Variants in LRMDA observed in about 807,000 individuals in gnomAD.
LRMDA encodes the protein leucine-rich melanocyte differentiation-associated protein.
Under a neutral mutation model 29.8 loss-of-function variants are expected in LRMDA, and 18 were observed. The observed-to-expected ratio is 0.60, with a 90% confidence interval of 0.42 to 0.90. LRMDA has a LOEUF of 0.90. Among genes scored for constraint, LRMDA ranks in the 40% least tolerant of loss-of-function variants. The probability of loss-of-function intolerance (pLI) is 0.00; values close to 1 mark genes in which losing one functional copy is unlikely to be tolerated. For missense variants in LRMDA, 273 were observed against 273.9 expected, an observed-to-expected ratio of 1.00 and a Z score of 0.02; for synonymous variants, 125 against 109.4, an observed-to-expected ratio of 1.14 and a Z score of -0.89.
In LRMDA at chr10:76,443,386, C is replaced by T. The variant is rs559359266; in HGVS notation, c.602-113823C>T. Among the ~76,000 whole-genome samples the T allele has an allele frequency of 1.8e-4, 27 of 152,264 alleles. No homozygotes were observed. The East Asian group carries it at 3.9e-3, about 22-fold the overall frequency. ...CTGGCATCACATCTTCGAGATAATC[C>T]GAGCTAGAGTTTGGCTGTCATCTAG... On this transcript the variant is annotated intron_variant, in intron 6 of 6. Transcript: ENST00000611255.
At chr10:75,646,546 T>C (rs539039819) in intron 2 of LRMDA, among the ~76,000 whole-genome samples, 31 of 152,376 alleles carry the variant, frequency 2.0e-4, no homozygotes, top group African/African-American at 7.0e-4. Context: ...CACTGACATA[T>C]TAGTTATGCT....
chr10:75,605,630 C>G (rs1174100278), intron 2 of LRMDA, among the ~76,000 whole-genome samples: 1 of 152,172 alleles, frequency 6.6e-6, no homozygotes, highest in Admixed American at 6.5e-5. Context: ...TGCCGCTGCT[C>G]TAATGTTAAG....
At chr10:76,040,258 G>A (rs1848319151) in intron 3 of LRMDA, among the ~76,000 whole-genome samples, 3 of 152,130 alleles carry the variant, frequency 2.0e-5, no homozygotes, top group Admixed American at 2.0e-4. Flanking sequence ...GGGCTGCTGG[G>A]AGTCTGCTCT....
intron 2 of LRMDA, among the ~76,000 whole-genome samples, chr10:75,561,341 T>G (rs1354787227): frequency 6.7e-6 from 1 of 148,832 alleles, no homozygotes; most frequent in East Asian, 2.0e-4. Flanking sequence ...TGTAGTATTC[T>G]CTGATGGTAG....
intron 5 of LRMDA, among the ~76,000 whole-genome samples, chr10:76,315,532 A>G (rs1421164311): frequency 6.6e-6 from 1 of 152,154 alleles, no homozygotes; most frequent in East Asian, 1.9e-4. Context: ...GTTTGCGTGC[A>G]CTCAGGGCAG....
Position 76,485,905 on chromosome 10 carries a change from T to C in LRMDA, c.602-71304T>C, listed in dbSNP as rs926853993. On this transcript the variant is annotated intron_variant, in intron 6 of 6. Coordinates refer to ENST00000611255, the MANE Select transcript of LRMDA (RefSeq NM_001305581.2). The stretch of plus-strand genomic sequence containing the variant: ...TTTGGGACTGCTATAGCTCCCAGGC[T>C]AGGATATATAAAAGGCAAAAATGAA... 1.5e-4 allele frequency among the ~76,000 whole-genome samples: 23 copies of C among 151,916 alleles called. 1 individual carries two copies. Among genetic ancestry groups the C allele is most frequent in the Admixed American group, 6.6e-5 (1 of 15,226 alleles).
At chr10:76,098,537 A>G (rs1388993403) in intron 5 of LRMDA, among the ~76,000 whole-genome samples, 1 of 152,168 alleles carries the variant, frequency 6.6e-6, no homozygotes, top group Non-Finnish European at 1.5e-5. Context: ...TTAGCGTCCC[A>G]TCTTTCATTG....
intron 5 of LRMDA, among the ~76,000 whole-genome samples, chr10:76,073,256 C>G (rs1341807382): frequency 1.3e-5 from 2 of 152,148 alleles, no homozygotes; most frequent in East Asian, 1.9e-4. Flanking sequence ...TCCTTCAACT[C>G]TATTCCCTAT....
intron 2 of LRMDA, among the ~76,000 whole-genome samples, chr10:75,892,918 A>G (rs951813229): frequency 6.6e-6 from 1 of 152,212 alleles, no homozygotes; most frequent in Non-Finnish European, 1.5e-5. Flanking sequence ...ACTGTGGGTA[A>G]TAGAAAGCCC....
At chr10:76,379,068 GCTGGTCTCAGACTC>G (rs1841557704) in intron 6 of LRMDA, among the ~76,000 whole-genome samples, 1 of 151,724 alleles carries the variant, frequency 6.6e-6, no homozygotes, top group Admixed American at 6.6e-5. Flanking sequence ...TGTTGGCCAG[GCTGGTCTCAGACTC>G]CTGACCTCAG....
Position 75,962,708 on chromosome 10 carries a change from A to G in LRMDA, c.132-73300A>G, listed in dbSNP as rs568263623. Reference sequence around the variant, plus strand: ...AACTCCAAAGTTTTTACAAGTCCCTACTGTTCTTTCAGTGTGCAACCTGTA... The same window carrying G: ...AACTCCAAAGTTTTTACAAGTCCCTGCTGTTCTTTCAGTGTGCAACCTGTA... On this transcript the variant is annotated intron_variant, in intron 2 of 6. Transcript: ENST00000611255. 1.2e-4 allele frequency among the ~76,000 whole-genome samples: 19 copies of G among 152,302 alleles called. No homozygotes were observed. The East Asian group carries it at 3.5e-3, about 28-fold the overall frequency.
chr10:76,183,898 T>G (rs1480951316), intron 5 of LRMDA, among the ~76,000 whole-genome samples: 1 of 152,118 alleles, frequency 6.6e-6, no homozygotes, highest in South Asian at 2.1e-4. Flanking sequence ...AAAAGAAAAA[T>G]TTGTAGAGAC....
intron 6 of LRMDA, among the ~76,000 whole-genome samples, chr10:76,544,602 C>G (rs1285891616): frequency 6.6e-6 from 1 of 152,058 alleles, no homozygotes; most frequent in Admixed American, 6.6e-5. Context: ...AAAAAATGTA[C>G]AGAGGTTCAT....
At chr10:75,846,305 A>C (rs1370996330) in intron 2 of LRMDA, among the ~76,000 whole-genome samples, 2 of 152,024 alleles carry the variant, frequency 1.3e-5, no homozygotes, top group Admixed American at 1.3e-4. Flanking sequence ...AAAATAATTA[A>C]AGGGAAAGAA....
At chr10:75,438,286 A>G in intron 1 of LRMDA, 108 bp from the exon 2 acceptor site, 1 of 880,006 alleles carries the variant, frequency 1.1e-6, no homozygotes, top group Non-Finnish European at 1.8e-6. Flanking sequence ...TGTGTGAGAA[A>G]CATGTGTTTC....
intron 2 of LRMDA, among the ~76,000 whole-genome samples, chr10:75,661,685 A>G (rs1220410983): frequency 1.3e-5 from 2 of 152,214 alleles, no homozygotes; most frequent in African/African-American, 2.4e-5. Context: ...ATATATACAC[A>G]TGAACAAGTG....
chr10:76,396,325 G>A (rs1841783348), intron 6 of LRMDA, among the ~76,000 whole-genome samples: 1 of 152,186 alleles, frequency 6.6e-6, no homozygotes, highest in African/African-American at 2.4e-5. Context: ...GTGGAAAGTG[G>A]CCTAGCCAAA....
chr10:76,413,205 A>G (rs898033023), intron 6 of LRMDA, among the ~76,000 whole-genome samples: 1 of 151,912 alleles, frequency 6.6e-6, no homozygotes, highest in African/African-American at 2.4e-5. Context: ...CCACCATGGG[A>G]TCTTTAGCAT....
At chr10:76,056,083 A>G (rs777232778) in intron 4 of LRMDA, among the ~76,000 whole-genome samples, 1 of 152,244 alleles carries the variant, frequency 6.6e-6, no homozygotes, top group Non-Finnish European at 1.5e-5. Flanking sequence ...GAGGTGCTTT[A>G]TTAAGCAACA....
Sources: allele counts gnomAD v4.1 joint callset (sites outside exome capture counted in the v4.1 genomes callset), GRCh38; gene constraint gnomAD v4.1.1; transcripts MANE v1.5; gene names NCBI Gene and HGNC (gene_info 2026-07-23, HGNC 2026-07-21).